DNAJC13: variants seen among roughly 807,000 people sequenced by gnomAD.
The protein encoded by DNAJC13 is DnaJ heat shock protein family (Hsp40) member C13.
Under a neutral mutation model 290.5 loss-of-function variants are expected in DNAJC13, and 75 were observed. That is an observed-to-expected ratio of 0.26 (90% CI 0.21 to 0.31). DNAJC13 has a LOEUF of 0.31. Ranked by LOEUF, DNAJC13 falls within the 10% of genes least tolerant of loss-of-function variation. The pLI is 1.00. For missense variants in DNAJC13, 2,260 were observed against 2,674.5 expected, an observed-to-expected ratio of 0.85 and a Z score of 3.42; for synonymous variants, 862 against 892.0, an observed-to-expected ratio of 0.97 and a Z score of 0.60.
Position 132,466,022 on chromosome 3 carries a change from C to T in DNAJC13, c.1920C>T (p.Leu640=). 6.2e-7 allele frequency: 1 copy of T among 1,613,960 alleles called. No individual in the cohort carries two copies. Among genetic ancestry groups the T allele is most frequent in the Non-Finnish European group, 8.5e-7 (1 of 1,179,910 alleles). ...NRQLSRHLVG[L]WTADNATATN... ...AGCTAAGTAGACATTTAGTGGGACT[C>T]TGGACAGCTGATAATGCAACTGCAA... Residue 640 remains leucine (L), a synonymous_variant, in exon 18 of 56, where the codon CTC becomes CTT. Coordinates refer to ENST00000260818, the MANE Select transcript of DNAJC13 (RefSeq NM_015268.4).
chr3:132,477,687 A>T, intron 22 of DNAJC13, 102 bp from the exon 23 acceptor site: 1 of 798,234 alleles, frequency 1.3e-6, no homozygotes, highest in Non-Finnish European at 2.0e-6. Context: ...CAGGTATTTT[A>T]AGAAATAAGT....
Position 132,456,692 on chromosome 3 carries a change from G to C in DNAJC13, c.1209G>C (p.Leu403=), listed in dbSNP as rs1465770276. ...DGLFSENKEK[L]INNAITALLS... Reference sequence around the variant, plus strand: ...TCTTCTCAGAAAACAAAGAAAAACTGATCAATAATGCCATAACAGCATTAC... The same window carrying C: ...TCTTCTCAGAAAACAAAGAAAAACTCATCAATAATGCCATAACAGCATTAC... The change falls in exon 12 of 56, where the codon CTG becomes CTC. Residue 403 remains leucine (L), a synonymous_variant. Coordinates refer to ENST00000260818, the MANE Select transcript of DNAJC13 (RefSeq NM_015268.4). 6.2e-7 allele frequency: 1 copy of C among 1,613,844 alleles called. No homozygotes were observed. Among genetic ancestry groups the C allele is most frequent in the Non-Finnish European group, 8.5e-7 (1 of 1,179,898 alleles).
Position 132,456,290 on chromosome 3 carries a change from G to A in DNAJC13, c.988G>A (p.Val330Ile), listed in dbSNP as rs141024402. The A allele has an allele frequency of 1.2e-6, 2 of 1,613,848 alleles. No individual in the cohort carries two copies. The highest frequency in any genetic ancestry group is 2.7e-5 in the African/African-American group (2 of 74,916). ...DGVRASGNRDVCVKMTPTHKG... is the reference protein window; with the variant it reads ...DGVRASGNRDICVKMTPTHKG... ...AGTAAGAGCCTCTGGTAATAGAGATGTTTGTGTAAAAATGACACCAACCCA... is the reference window on the plus strand; with the variant it reads ...AGTAAGAGCCTCTGGTAATAGAGATATTTGTGTAAAAATGACACCAACCCA... The change falls in exon 10 of 56, where the codon GTT becomes ATT. Residue 330 changes from valine (V) to isoleucine (I), a missense_variant. Physicochemically the swap from Val to Ile is conservative, Grantham distance 29 (BLOSUM62 3). Transcript: ENST00000260818.
intron 14 of DNAJC13, among the ~76,000 whole-genome samples, chr3:132,460,715 G>C (rs1933763296): frequency 6.6e-6 from 1 of 152,194 alleles, no homozygotes; most frequent in Admixed American, 6.5e-5. Flanking sequence ...ATAGCATCTT[G>C]AAGGAACATA....
intron 20 of DNAJC13, among the ~76,000 whole-genome samples, chr3:132,470,691 C>G (rs1403294375): frequency 3.4e-4 from 39 of 115,884 alleles, no homozygotes; most frequent in Admixed American, 8.9e-4. Context: ...CCCTCCCGGA[C>G]GGGGCGGCTG....
At chr3:132,484,307 G>C (rs1380596768) in intron 28 of DNAJC13, 3 of 484,754 alleles carry the variant, frequency 6.2e-6, no homozygotes, top group African/African-American at 5.9e-5. Context: ...ACAGTGTGTT[G>C]AACAACACCA....
rs752022688 is a variant in DNAJC13 at position 132,500,816 on chromosome 3, G to A, written c.4439G>A (p.Cys1480Tyr). Reference sequence around the variant, plus strand: ...CAGGTGTGTGGATACATAAGTAAATGCTACAGTGTGGCTGCTCAGTTTGAG... The same window carrying A: ...CAGGTGTGTGGATACATAAGTAAATACTACAGTGTGGCTGCTCAGTTTGAG... ...SVQVCGYISK[C>Y]YSVAAQFEEC... Residue 1480 changes from cysteine (C) to tyrosine (Y), a missense_variant, in exon 39 of 56, where the codon TGC becomes TAC. By Grantham distance (194) the Cys-to-Tyr change is radical. This residue lies in a region of DNAJC13 where 1,494 missense variants were observed against 1,693.7 expected (regional missense o/e 0.88). Transcript: ENST00000260818. The A allele has an allele frequency of 6.2e-7, 1 of 1,613,894 alleles. No homozygotes were observed. Among genetic ancestry groups the A allele is most frequent in the Non-Finnish European group, 8.5e-7 (1 of 1,179,948 alleles).
Position 132,446,270 on chromosome 3 carries a change from C to T in DNAJC13, c.69-205C>T, listed in dbSNP as rs557440074. On this transcript the variant is annotated intron_variant, in intron 2 of 55. Coordinates refer to ENST00000260818, the MANE Select transcript of DNAJC13 (RefSeq NM_015268.4). ...TCTACTTAGATATCTTAATAGTTCA[C>T]AGTAAAATGAGTGGGTGGGTTTTAA... Among the ~76,000 whole-genome samples the T allele has an allele frequency of 2.6e-5, 4 of 151,956 alleles. No individual in the cohort carries two copies. The South Asian group carries it at 6.2e-4, about 24-fold the overall frequency.
In DNAJC13 at chr3:132,533,582, C is replaced by T. The variant is rs370381725; in HGVS notation, c.6625+2485C>T. On this transcript the variant is annotated intron_variant, in intron 55 of 55. Coordinates refer to ENST00000260818, the MANE Select transcript of DNAJC13 (RefSeq NM_015268.4). ...GACTCCTGACCTCAAATGATCCACCCGCCTCAAATGATCCACCCGCCTGGT... is the reference window on the plus strand; with the variant it reads ...GACTCCTGACCTCAAATGATCCACCTGCCTCAAATGATCCACCCGCCTGGT... 9.3e-5 allele frequency among the ~76,000 whole-genome samples: 14 copies of T among 150,412 alleles called. No homozygotes were observed. The East Asian group carries it at 1.2e-3, about 12-fold the overall frequency.
At chr3:132,493,532 G>T (rs541171685) in intron 33 of DNAJC13, among the ~76,000 whole-genome samples, 19 of 152,008 alleles carry the variant, frequency 1.2e-4, no homozygotes, top group African/African-American at 4.6e-4. Context: ...TTTATTTATT[G>T]ATCAAATTTT....
Position 132,531,069 on chromosome 3 carries a change from T to C in DNAJC13, c.6597T>C (p.Ser2199=), listed in dbSNP as rs1412083999. The C allele has an allele frequency of 6.2e-7, 1 of 1,614,134 alleles. No homozygotes were observed. ...FKDQKHDLFI[S]ESQTAGYLTG... ...ATCAGAAACATGATTTGTTCATTTC[T>C]GAGTCACAAACAGCAGGATACCTCA... The change falls in exon 55 of 56, where the codon TCT becomes TCC. Residue 2199 remains serine (S), a synonymous_variant. Transcript: ENST00000260818.
intron 2 of DNAJC13, among the ~76,000 whole-genome samples, chr3:132,443,349 T>C (rs11709986): frequency 0.2 from 30,549 of 151,862 alleles, 3,328 homozygotes; most frequent in African/African-American, 0.29. Flanking sequence ...GATGGGTTTT[T>C]GCCATGTTGG....
chr3:132,529,324 A>G lies in DNAJC13; in HGVS notation c.6525+992A>G, dbSNP rs928694103. ...CGTAAATGCTCCAATTTGTTTATCCATTCATCTATTGATGGACATTTGGGT... is the reference window on the plus strand; with the variant it reads ...CGTAAATGCTCCAATTTGTTTATCCGTTCATCTATTGATGGACATTTGGGT... On this transcript the variant is annotated intron_variant, in intron 54 of 55. Coordinates refer to ENST00000260818, the MANE Select transcript of DNAJC13 (RefSeq NM_015268.4). 2.6e-5 allele frequency among the ~76,000 whole-genome samples: 4 copies of G among 152,228 alleles called. No individual in the cohort carries two copies. In the East Asian group the frequency reaches 7.7e-4, roughly 29 times the overall value.
chr3:132,465,387 G>T (rs1438551742), intron 17 of DNAJC13, among the ~76,000 whole-genome samples: 1 of 152,092 alleles, frequency 6.6e-6, no homozygotes, highest in Non-Finnish European at 1.5e-5. Context: ...GGTGTTGAAT[G>T]GGGATTAAAA....
intron 55 of DNAJC13, among the ~76,000 whole-genome samples, chr3:132,532,912 A>AATAATTATTATTATTATT (rs1553753686): frequency 7.1e-6 from 1 of 141,828 alleles, no homozygotes; most frequent in African/African-American, 2.7e-5. Context: ...TAATTTTTGT[A>AATAATTATTATTATTATT]ATTATTATTA....
chr3:132,505,179 T>C (rs1935544984), intron 41 of DNAJC13, 123 bp from the exon 42 acceptor site: 8 of 600,538 alleles, frequency 1.3e-5, no homozygotes, highest in Non-Finnish European at 2.4e-5. Context: ...ATACTTATTA[T>C]TGAGGTCCAT....
At chr3:132,475,197 C>A in intron 22 of DNAJC13, 112 bp downstream of exon 22, 1 of 714,140 alleles carries the variant, frequency 1.4e-6, no homozygotes, top group East Asian at 3.1e-5. Flanking sequence ...TTACCTTTCC[C>A]CCTTTAATGT....
chr3:132,483,484 T>C lies in DNAJC13; in HGVS notation c.3089T>C (p.Leu1030Pro). 6.2e-7 allele frequency: 1 copy of C among 1,614,162 alleles called. No individual in the cohort carries two copies. Among genetic ancestry groups the C allele is most frequent in the Non-Finnish European group, 8.5e-7 (1 of 1,180,006 alleles). Residue 1030 changes from leucine to proline, a missense_variant, in exon 28 of 56, where the codon CTC (leucine) becomes CCC (proline). By Grantham distance (98) the Leu-to-Pro change is moderately conservative (BLOSUM62 -3). Coordinates refer to ENST00000260818, the MANE Select transcript of DNAJC13 (RefSeq NM_015268.4). ...LQSIPQLKWC[L>P]LASGQAVLNE... ...TCCATACCCCAGCTTAAGTGGTGTC[T>C]CTTAGCCAGTGGACAGGCTGTCCTG...
At position 132,452,568 on chromosome 3, in the gene DNAJC13, A is replaced by G. The variant is rs913441511; in HGVS notation, c.538-730A>G. Among the ~76,000 whole-genome samples, 14 of 152,206 alleles carry G rather than the reference A, an allele frequency of 9.2e-5. 1 individual carries two copies. Among genetic ancestry groups the G allele is most frequent in the Admixed American group, 9.2e-4 (14 of 15,288 alleles). On this transcript the variant is annotated intron_variant, in intron 6 of 55. Coordinates refer to ENST00000260818, the MANE Select transcript of DNAJC13 (RefSeq NM_015268.4). ...AGACACCAAATGCAAGTTCAGGTTG[A>G]GCATACCAAATCTGGAAGTTCAAAA...
Sources: gnomAD v4.1 joint callset for allele counts (sites outside exome capture counted in the v4.1 genomes callset) on GRCh38, gnomAD v4.1.1 for gene constraint, gnomAD v4.1.1 regional missense constraint, MANE v1.5 for transcripts, NCBI Gene and HGNC (gene_info 2026-07-23, HGNC 2026-07-21) for gene names.